PUM3: variants seen among roughly 807,000 people sequenced by gnomAD.
The protein encoded by PUM3 is pumilio homolog 3.
A neutral mutation model predicts 84.0 loss-of-function variants in PUM3; 91 were observed. The observed-to-expected ratio is 1.08, with a 90% confidence interval of 0.91 to 1.29. The LOEUF (loss-of-function observed/expected upper bound fraction) is 1.29, where lower values mean the gene tolerates loss of function less well. Among genes scored for constraint, PUM3 ranks in the 50% most tolerant of loss-of-function variants. The pLI is 0.00. For synonymous variants in PUM3, 321 were observed against 266.7 expected (o/e 1.20, Z -1.98); for missense variants, 1,067 against 767.5 (o/e 1.39, Z -4.61).
At position 2,823,848 on chromosome 9, in the gene PUM3, G is replaced by A. The variant is rs371909163; in HGVS notation, c.1135-14C>T. The A allele has an allele frequency of 6.8e-7, 1 of 1,471,828 alleles. No homozygotes were observed. The highest frequency in any genetic ancestry group is 1.4e-5 in the African/African-American group (1 of 71,180). 91.2% of individuals were successfully genotyped at this position (1,471,828 alleles called of 1,614,324 possible). On this transcript the variant is annotated splice_polypyrimidine_tract_variant and intron_variant, in intron 11 of 17. Transcript: ENST00000397885. ...CACTTTCCTGTCCTTAAAAAGGAAAGATTGTCTCACTGAATTTTCAGTTAT... is the reference window on the plus strand; with the variant it reads ...CACTTTCCTGTCCTTAAAAAGGAAAAATTGTCTCACTGAATTTTCAGTTAT...
intron 10 of PUM3, among the ~76,000 whole-genome samples, chr9:2,825,287 T>G (rs1815781664): frequency 6.6e-6 from 1 of 152,144 alleles, no homozygotes; most frequent in Admixed American, 6.5e-5. Context: ...ATAACTGGAT[T>G]ATCTCCAAAA....
chr9:2,813,804 T>C (rs1413555626), intron 13 of PUM3, among the ~76,000 whole-genome samples: 2 of 152,066 alleles, frequency 1.3e-5, no homozygotes, highest in Non-Finnish European at 2.9e-5. Flanking sequence ...ATCTCAACCT[T>C]CCCTCATTTT....
intron 10 of PUM3, among the ~76,000 whole-genome samples, chr9:2,825,437 A>G (rs538714576): frequency 1.3e-5 from 2 of 152,282 alleles, no homozygotes; most frequent in South Asian, 4.1e-4. Flanking sequence ...GCTTAGCTTA[A>G]TTTAACCTTT....
chr9:2,804,313 G>T lies in PUM3; in HGVS notation c.*18C>A. The stretch of plus-strand genomic sequence containing the variant: ...AGAACAGAAAAAATCATTCCATCTT[G>T]CTCTTAACTCTTTCCACCTATGTGC... On this transcript the variant is annotated 3_prime_UTR_variant, in exon 18 of 18. Transcript: ENST00000397885. 2 of 1,609,678 alleles carry T rather than the reference G, an allele frequency of 1.2e-6. No individual in the cohort carries two copies. The highest frequency in any genetic ancestry group is 1.3e-5 in the African/African-American group (1 of 74,652).
At position 2,807,800 on chromosome 9, in the gene PUM3, CAT is replaced by C. The variant is rs758099667; in HGVS notation, c.1814+12_1814+13del. 3.1e-5 allele frequency: 49 copies of C among 1,561,026 alleles called. No individual in the cohort carries two copies. The highest frequency in any genetic ancestry group is 4.1e-5 in the Non-Finnish European group (46 of 1,132,632). On this transcript the variant is annotated intron_variant, in intron 17 of 17. Coordinates refer to ENST00000397885, the MANE Select transcript of PUM3 (RefSeq NM_014878.5). ...ACCAGGCCCTGCTCAGAGAAGGGCA[CAT>C]GTTATACATACCTAGAAAGAATAAT...
chr9:2,829,987 G>C, intron 7 of PUM3, 39 bp from the exon 8 acceptor site: 1 of 1,561,514 alleles, frequency 6.4e-7, no homozygotes. Flanking sequence ...AATGATAGAA[G>C]GAGAAAGCTG....
chr9:2,831,883 A>G (rs187192681), intron 5 of PUM3, among the ~76,000 whole-genome samples: 38 of 152,334 alleles, frequency 2.5e-4, no homozygotes, highest in Admixed American at 2.1e-3. Context: ...CATTTTCATT[A>G]TAATTCCTGC....
chr9:2,840,733 A>G (rs1816246166), intron 1 of PUM3, among the ~76,000 whole-genome samples: 2 of 152,162 alleles, frequency 1.3e-5, no homozygotes, highest in African/African-American at 4.8e-5. Context: ...ACGCGGCCCA[A>G]CTGTTTTGTT....
intron 8 of PUM3, 133 bp downstream of exon 8, chr9:2,829,641 C>A: frequency 1.4e-6 from 1 of 717,204 alleles, no homozygotes; most frequent in South Asian, 2.2e-5. Context: ...GAGGGAAAAT[C>A]AAGGGCATAA....
chr9:2,841,824 T>C (rs1225021701), intron 1 of PUM3, among the ~76,000 whole-genome samples: 4 of 151,838 alleles, frequency 2.6e-5, no homozygotes, highest in Admixed American at 2.0e-4. Context: ...CTGCATTCCA[T>C]CCCCAGAAAT....
chr9:2,813,986 A>C (rs992484536), intron 13 of PUM3, among the ~76,000 whole-genome samples: 1 of 152,130 alleles, frequency 6.6e-6, no homozygotes, highest in African/African-American at 2.4e-5. Flanking sequence ...CTACTTCTGA[A>C]GTTTAAGATC....
intron 12 of PUM3, among the ~76,000 whole-genome samples, chr9:2,820,608 T>C (rs560647487): frequency 3.3e-5 from 5 of 152,300 alleles, no homozygotes; most frequent in Admixed American, 6.5e-5. Flanking sequence ...GTAATAGTCA[T>C]CTCTGGGTTA....
At chr9:2,808,869 A>G (rs1174695965) in intron 16 of PUM3, among the ~76,000 whole-genome samples, 2 of 152,210 alleles carry the variant, frequency 1.3e-5, no homozygotes, top group African/African-American at 4.8e-5. Context: ...CAGTATGATG[A>G]AAGTGGCATT....
At chr9:2,808,551 G>A (rs1261818319) in intron 16 of PUM3, among the ~76,000 whole-genome samples, 1 of 152,172 alleles carries the variant, frequency 6.6e-6, no homozygotes, top group East Asian at 1.9e-4. Context: ...AGTGCAGATG[G>A]AGGTAGGGAC....
intron 1 of PUM3, among the ~76,000 whole-genome samples, chr9:2,839,460 G>A (rs1412131062): frequency 6.6e-6 from 1 of 152,228 alleles, no homozygotes; most frequent in Non-Finnish European, 1.5e-5. Context: ...TAAGTTAAAT[G>A]ACAAGAATCA....
At chr9:2,811,624 C>A in intron 14 of PUM3, 41 bp from the exon 15 acceptor site, 1 of 1,483,254 alleles carries the variant, frequency 6.7e-7, no homozygotes, top group South Asian at 1.1e-5. Flanking sequence ...TAAGATAAAT[C>A]GCAAAGGAAA....
At chr9:2,834,414 A>G (rs1424032875) in intron 3 of PUM3, among the ~76,000 whole-genome samples, 3 of 152,226 alleles carry the variant, frequency 2.0e-5, no homozygotes, top group African/African-American at 7.2e-5. Flanking sequence ...AAAGGACACT[A>G]AAAGAATTAC....
intron 3 of PUM3, among the ~76,000 whole-genome samples, chr9:2,836,227 G>C (rs1446130492): frequency 6.6e-6 from 1 of 152,104 alleles, no homozygotes; most frequent in Non-Finnish European, 1.5e-5. Flanking sequence ...CAGGACTAGG[G>C]GATGGCACTG....
At chr9:2,834,496 A>G (rs1026230053) in intron 3 of PUM3, among the ~76,000 whole-genome samples, 10 of 152,378 alleles carry the variant, frequency 6.6e-5, no homozygotes, top group Non-Finnish European at 1.5e-4. Context: ...GATTAAGATC[A>G]TTGGACTTTA....
Sources: allele counts gnomAD v4.1 joint callset (sites outside exome capture counted in the v4.1 genomes callset), GRCh38; gene constraint gnomAD v4.1.1; transcripts MANE v1.5; gene names NCBI Gene and HGNC (gene_info 2026-07-23, HGNC 2026-07-21).